The following LIN7A variants were observed in gnomAD, a reference collection of about 807,000 sequenced individuals.
The protein encoded by LIN7A is lin-7 cell polarity scaffold A.
LIN7A carries 25 observed loss-of-function variants against 29.8 expected under a neutral mutation model. The observed-to-expected ratio is 0.84, with a 90% CI of 0.61 to 1.17. The LOEUF is 1.17. Among genes scored for constraint, LIN7A ranks in the 50% most tolerant of loss-of-function variants. The pLI, the probability that LIN7A is intolerant of heterozygous loss-of-function variation, is 0.00. For synonymous variants in LIN7A, 118 were observed against 107.5 expected, an observed-to-expected ratio of 1.10 and a Z score of -0.60; for missense variants, 239 against 287.0, an observed-to-expected ratio of 0.83 and a Z score of 1.21.
chr12:80,842,922 C>G (rs908816194), intron 4 of LIN7A, among the ~76,000 whole-genome samples: 1 of 151,976 alleles, frequency 6.6e-6, no homozygotes, highest in Admixed American at 6.6e-5. Context: ...CTTTAACCTT[C>G]AACTTTAGGA....
intron 4 of LIN7A, among the ~76,000 whole-genome samples, chr12:80,821,396 T>C (rs1871800530): frequency 6.8e-6 from 1 of 147,802 alleles, no homozygotes; most frequent in Non-Finnish European, 1.5e-5. Context: ...TAAATTTTCC[T>C]TTTTTTTTTA....
chr12:80,804,769 G>T (rs919452738), intron 5 of LIN7A, among the ~76,000 whole-genome samples: 2 of 151,910 alleles, frequency 1.3e-5, no homozygotes, highest in Admixed American at 6.6e-5. Context: ...GGCCAGGCTG[G>T]TCTCAAACTC....
chr12:80,848,235 G>T lies in LIN7A; in HGVS notation c.273+16C>A, dbSNP rs759044946. On this transcript the variant is annotated intron_variant, in intron 3 of 5. Transcript: ENST00000552864. ...AACTGGGGTCAAGTATATTTTTAAA[G>T]TTACTCAAGCCTTACCTTTGCTGTT... 6.2e-7 allele frequency: 1 copy of T among 1,602,374 alleles called. No individual in the cohort carries two copies. The highest frequency in any genetic ancestry group is 8.5e-7 in the Non-Finnish European group (1 of 1,169,648).
At chr12:80,818,079 C>T (rs943611471) in intron 4 of LIN7A, among the ~76,000 whole-genome samples, 3 of 152,144 alleles carry the variant, frequency 2.0e-5, no homozygotes, top group African/African-American at 4.8e-5. Flanking sequence ...AGACCTATTC[C>T]TTTCCCAAAA....
chr12:80,849,904 C>T (rs919986268), intron 2 of LIN7A, among the ~76,000 whole-genome samples: 1 of 152,096 alleles, frequency 6.6e-6, no homozygotes, highest in East Asian at 1.9e-4. Context: ...CTCCACAGTT[C>T]CTGGTCATCT....
intron 2 of LIN7A, among the ~76,000 whole-genome samples, chr12:80,882,157 T>C (rs961221241): frequency 3.9e-5 from 6 of 152,084 alleles, no homozygotes; most frequent in Non-Finnish European, 8.8e-5. Context: ...ACATATTTTA[T>C]TGAATATATA....
chr12:80,888,230 G>A (rs1444708554), intron 2 of LIN7A, among the ~76,000 whole-genome samples: 1 of 152,116 alleles, frequency 6.6e-6, no homozygotes, highest in Admixed American at 6.6e-5. Context: ...CACAGCATAA[G>A]TCAACACATT....
intron 4 of LIN7A, among the ~76,000 whole-genome samples, chr12:80,838,692 CT>C (rs1351044979): frequency 1.3e-5 from 2 of 152,192 alleles, no homozygotes; most frequent in African/African-American, 4.8e-5. Context: ...GGTAAAGCAT[CT>C]GCTAACGACT....
chr12:80,845,942 GAAAAAA>G lies in LIN7A; in HGVS notation c.274-9_274-4del. On this transcript the variant is annotated splice_region_variant and splice_polypyrimidine_tract_variant and intron_variant, in intron 3 of 5. Transcript: ENST00000552864. ...GCTGCAAAAGCTGCAACTGTTGCCT[GAAAAAA>G]AAAAAAAAAGATGGTCTTTTGGTAA... 1.4e-6 allele frequency: 2 copies of G among 1,382,376 alleles called. No homozygotes were observed. Among genetic ancestry groups the G allele is most frequent in the Non-Finnish European group, 1.9e-6 (2 of 1,034,934 alleles). The allele number at this position is 1,382,376 out of a possible 1,614,324, so 85.6% of individuals were successfully genotyped here. A position where few individuals can be genotyped will look rare whatever the true frequency, so the allele number is the denominator to read the frequency against.
At chr12:80,817,941 G>A (rs1335365316) in intron 4 of LIN7A, among the ~76,000 whole-genome samples, 1 of 152,106 alleles carries the variant, frequency 6.6e-6, no homozygotes, top group African/African-American at 2.4e-5. Context: ...AAAAAGATCT[G>A]GCAACTCCTA....
chr12:80,848,015 C>A, intron 3 of LIN7A: 1 of 621,478 alleles, frequency 1.6e-6, no homozygotes, highest in South Asian at 1.6e-5. Flanking sequence ...GCCAAATGGA[C>A]ATTAAGTGAG....
chr12:80,874,532 T>C (rs1377751500), intron 2 of LIN7A, among the ~76,000 whole-genome samples: 1 of 152,094 alleles, frequency 6.6e-6, no homozygotes, highest in Admixed American at 6.5e-5. Flanking sequence ...CATAAGACAA[T>C]ACATTGTGTT....
At chr12:80,862,769 A>C (rs1054534023) in intron 2 of LIN7A, among the ~76,000 whole-genome samples, 1 of 152,214 alleles carries the variant, frequency 6.6e-6, no homozygotes, top group African/African-American at 2.4e-5. Flanking sequence ...AGCCCACTTC[A>C]TTACAAGTTG....
chr12:80,808,695 C>T (rs1469769619), intron 5 of LIN7A, among the ~76,000 whole-genome samples: 2 of 151,514 alleles, frequency 1.3e-5, no homozygotes, highest in South Asian at 2.1e-4. Context: ...TTAGTAGAGA[C>T]GAGGTTTCAC....
chr12:80,918,543 A>G (rs914828872), intron 1 of LIN7A, among the ~76,000 whole-genome samples: 12 of 152,016 alleles, frequency 7.9e-5, no homozygotes, highest in African/African-American at 1.9e-4. Context: ...TACTCTTACT[A>G]AAGTATCAGC....
intron 2 of LIN7A, among the ~76,000 whole-genome samples, chr12:80,868,710 A>G (rs920430458): frequency 1.3e-5 from 2 of 152,264 alleles, no homozygotes; most frequent in African/African-American, 4.8e-5. Flanking sequence ...TAATTAATTC[A>G]GAAACCAGGA....
intron 1 of LIN7A, among the ~76,000 whole-genome samples, chr12:80,914,511 C>T (rs1288757128): frequency 6.6e-6 from 1 of 152,168 alleles, no homozygotes; most frequent in Non-Finnish European, 1.5e-5. Context: ...CTTCCTTACT[C>T]AGAATTTTCA....
chr12:80,914,669 A>G (rs1876940602), intron 1 of LIN7A, among the ~76,000 whole-genome samples: 1 of 152,214 alleles, frequency 6.6e-6, no homozygotes, highest in Admixed American at 6.5e-5. Flanking sequence ...CCACAGTCAT[A>G]TCAAATAAAT....
intron 2 of LIN7A, among the ~76,000 whole-genome samples, chr12:80,880,011 A>T (rs1378595612): frequency 6.6e-6 from 1 of 152,242 alleles, no homozygotes; most frequent in East Asian, 1.9e-4. Flanking sequence ...AATTTTATGT[A>T]GTCTAAGCAG....
Sources: gnomAD v4.1 joint callset for allele counts (sites outside exome capture counted in the v4.1 genomes callset) on GRCh38, gnomAD v4.1.1 for gene constraint, MANE v1.5 for transcripts, NCBI Gene and HGNC (gene_info 2026-07-23, HGNC 2026-07-21) for gene names.